The following EYS variants were observed in gnomAD, a reference collection of about 807,000 sequenced individuals.
EYS encodes the protein EGF-like photoreceptor maintenance factor.
In EYS, 250 loss-of-function variants were observed where a neutral mutation model predicts 282.1. That is an observed-to-expected ratio of 0.89 (90% confidence interval 0.80 to 0.98). The LOEUF (loss-of-function observed/expected upper bound fraction) is 0.98. Among genes scored for constraint, EYS ranks in the 50% least tolerant of loss-of-function variants. EYS has a pLI of 0.00. For missense variants in EYS, 4,016 were observed against 3,709.0 expected, an observed-to-expected ratio of 1.08 and a Z score of -2.15; for synonymous variants, 1,355 against 1,282.9, an observed-to-expected ratio of 1.06 and a Z score of -1.20.
At chr6:64,067,751 A>C (rs2149856639) in intron 32 of EYS, among the ~76,000 whole-genome samples, 1 of 152,256 alleles carries the variant, frequency 6.6e-6, no homozygotes, top group East Asian at 1.9e-4. Context: ...TGGATCTTGG[A>C]ATGTATCCCT....
intron 35 of EYS, among the ~76,000 whole-genome samples, chr6:63,950,588 G>A (rs891515291): frequency 3.3e-5 from 5 of 152,082 alleles, no homozygotes; most frequent in South Asian, 2.1e-4. Context: ...ATGGACGCGC[G>A]TGACATTTGG....
intron 35 of EYS, among the ~76,000 whole-genome samples, chr6:63,868,127 G>C (rs1244930108): frequency 6.6e-6 from 1 of 152,046 alleles, no homozygotes; most frequent in Non-Finnish European, 1.5e-5. Flanking sequence ...TGTGCATTAT[G>C]TTTAACTTCA....
At chr6:64,478,447 TA>T (rs1176323947) in intron 26 of EYS, among the ~76,000 whole-genome samples, 1 of 151,528 alleles carries the variant, frequency 6.6e-6, no homozygotes, top group Non-Finnish European at 1.5e-5. Flanking sequence ...ATTATTTCTA[TA>T]TTTAAAAGCT....
chr6:64,267,827 C>A (rs1767811636), intron 30 of EYS, among the ~76,000 whole-genome samples: 1 of 151,952 alleles, frequency 6.6e-6, no homozygotes, highest in African/African-American at 2.4e-5. Flanking sequence ...ATCCCTACTC[C>A]AAATTTAAAT....
chr6:65,450,040 C>T (rs930517279), intron 5 of EYS, among the ~76,000 whole-genome samples: 5 of 152,084 alleles, frequency 3.3e-5, no homozygotes, highest in African/African-American at 9.7e-5. Flanking sequence ...AGACTGCTGC[C>T]TTTTAAAGAA....
chr6:63,908,312 A>G (rs924538157), intron 35 of EYS, among the ~76,000 whole-genome samples: 4 of 152,040 alleles, frequency 2.6e-5, no homozygotes, highest in Non-Finnish European at 4.4e-5. Flanking sequence ...CAAAAATTTA[A>G]AAATGCTGAT....
chr6:64,690,082 T>A (rs4629667), intron 22 of EYS, among the ~76,000 whole-genome samples: 120,885 of 151,366 alleles, frequency 0.8, 48,659 homozygotes, highest in Non-Finnish European at 0.86. Context: ...TACTCATCTG[T>A]CAAAGGGCTA....
At chr6:65,369,247 A>G (rs570731879) in intron 8 of EYS, among the ~76,000 whole-genome samples, 1 of 146,064 alleles carries the variant, frequency 6.8e-6, no homozygotes, top group Admixed American at 7.3e-5. Context: ...CACATTTGTG[A>G]CCAAGCAGTG....
chr6:64,542,032 A>G (rs919891726), intron 26 of EYS, among the ~76,000 whole-genome samples: 1 of 152,132 alleles, frequency 6.6e-6, no homozygotes, highest in African/African-American at 2.4e-5. Context: ...TATCTGTATG[A>G]TATATATTAT....
rs1488937016 is a variant in EYS at position 65,320,576 on chromosome 6, C to T, written c.1766+14404G>A. 2.0e-5 allele frequency among the ~76,000 whole-genome samples: 3 copies of T among 152,146 alleles called. No individual in the cohort carries two copies. The East Asian group carries it at 5.8e-4, about 29-fold the overall frequency. On this transcript the variant is annotated intron_variant, in intron 11 of 42. Transcript: ENST00000503581. Reference sequence around the variant, plus strand: ...CTGCTCCTTGAACGTATTCAAGTGGCACATTTGGCTCCTTGAAGTGGATCC... The same window carrying T: ...CTGCTCCTTGAACGTATTCAAGTGGTACATTTGGCTCCTTGAAGTGGATCC...
chr6:65,110,815 T>C lies in EYS; in HGVS notation c.2024-53088A>G, dbSNP rs369683462. Among the ~76,000 whole-genome samples, 23 of 152,248 alleles carry C rather than the reference T, an allele frequency of 1.5e-4. 1 individual carries two copies. The East Asian group carries it at 3.9e-3, about 26-fold the overall frequency. ...GTCCTCCATCGTCAACAGTGCAGTA[T>C]AAAAAATCATTGAAGATTAAATCAA... On this transcript the variant is annotated intron_variant, in intron 12 of 42. Transcript: ENST00000503581.
intron 42 of EYS, among the ~76,000 whole-genome samples, chr6:63,723,517 T>TA (rs1221640596): frequency 2.0e-5 from 3 of 152,030 alleles, no homozygotes; most frequent in African/African-American, 4.8e-5. Context: ...TACATTAGAA[T>TA]AAAAAATATC....
intron 29 of EYS, among the ~76,000 whole-genome samples, chr6:64,319,257 T>C (rs963743631): frequency 6.6e-6 from 1 of 152,042 alleles, no homozygotes; most frequent in South Asian, 2.1e-4. Context: ...AATAGTTTCA[T>C]CTTTATTGTA....
intron 14 of EYS, among the ~76,000 whole-genome samples, chr6:64,989,548 T>C (rs1770986184): frequency 7.1e-6 from 1 of 140,858 alleles, no homozygotes; most frequent in Non-Finnish European, 1.5e-5. Context: ...TTATAATATA[T>C]CATATATTTT....
Position 64,638,179 on chromosome 6 carries a change from T to A in EYS, c.3444-11934A>T, listed in dbSNP as rs886899783. Among the ~76,000 whole-genome samples, 5 of 91,170 alleles carry A rather than the reference T, an allele frequency of 5.5e-5. 2 individuals carry two copies. The highest frequency in any genetic ancestry group is 4.7e-4 in the Admixed American group (4 of 8,432). The allele number at this position is 91,170 out of a possible 152,430, so 59.8% of individuals were successfully genotyped here. On this transcript the variant is annotated intron_variant, in intron 22 of 42. Transcript: ENST00000503581. ...TTCTTTATTTTATGAAAAAACAATT[T>A]TAAACACAGGCAGACTACTTTGAAC... is the stretch of plus-strand genomic sequence containing the variant.
At chr6:63,832,361 A>T (rs1477039599) in intron 36 of EYS, among the ~76,000 whole-genome samples, 1 of 152,132 alleles carries the variant, frequency 6.6e-6, no homozygotes, top group African/African-American at 2.4e-5. Flanking sequence ...TCAAATAGAC[A>T]CAATAAAAAA....
chr6:64,716,363 G>T (rs764968489), intron 22 of EYS, among the ~76,000 whole-genome samples: 1 of 152,162 alleles, frequency 6.6e-6, no homozygotes, highest in Non-Finnish European at 1.5e-5. Flanking sequence ...GGCAACAAAA[G>T]CACACATAAC....
chr6:64,196,557 T>C (rs1374913652), intron 31 of EYS, among the ~76,000 whole-genome samples: 1 of 152,124 alleles, frequency 6.6e-6, no homozygotes, highest in East Asian at 1.9e-4. Context: ...CGGAATACTA[T>C]GCAGCCATGA....
intron 19 of EYS, among the ~76,000 whole-genome samples, chr6:64,866,936 G>A (rs1027358869): frequency 6.6e-6 from 1 of 151,682 alleles, no homozygotes; most frequent in African/African-American, 2.4e-5. Context: ...TTACACAATT[G>A]ATCTATCACC....
Sources: allele counts gnomAD v4.1 joint callset (sites outside exome capture counted in the v4.1 genomes callset), GRCh38; gene constraint gnomAD v4.1.1; transcripts MANE v1.5; gene names NCBI Gene and HGNC (gene_info 2026-07-23, HGNC 2026-07-21).